C16orf74: variants seen among roughly 807,000 people sequenced by gnomAD.
C16orf74 encodes the protein uncharacterized protein C16orf74.
C16orf74 carries 10 observed loss-of-function variants against 6.5 expected under a neutral mutation model. The observed-to-expected ratio is 1.54, with a 90% CI of 0.95 to 2.61. The LOEUF is 2.61. C16orf74 is among the 30% of genes most tolerant of loss of function. C16orf74 has a pLI of 0.00. For missense variants in C16orf74, 141 were observed against 105.9 expected, an observed-to-expected ratio of 1.33 and a Z score of -1.45; for synonymous variants, 60 against 42.5, an observed-to-expected ratio of 1.41 and a Z score of -1.60.
intron 2 of C16orf74, among the ~76,000 whole-genome samples, chr16:85,734,736 A>G (rs2054225737): frequency 6.6e-6 from 1 of 152,194 alleles, no homozygotes. Flanking sequence ...GCTAACACCC[A>G]CAACACCCTT....
intron 2 of C16orf74, among the ~76,000 whole-genome samples, chr16:85,718,331 C>A (rs970438443): frequency 3.3e-5 from 5 of 152,166 alleles, no homozygotes; most frequent in African/African-American, 1.2e-4. Context: ...CTCCCAAAGT[C>A]CTGGGGTTAC....
chr16:85,723,259 CAAAAAAAAAAAAA>C (rs5818553), intron 2 of C16orf74, among the ~76,000 whole-genome samples: 1 of 60,108 alleles, frequency 1.7e-5, no homozygotes, highest in African/African-American at 6.3e-5. Flanking sequence ...GACTCCATCT[CAAAAAAAAAAAAA>C]AAAAAAAAGG....
At chr16:85,745,465 A>C (rs1469887768) in intron 1 of C16orf74, among the ~76,000 whole-genome samples, 1 of 152,244 alleles carries the variant, frequency 6.6e-6, no homozygotes, top group Non-Finnish European at 1.5e-5. Context: ...TTTTCAGTGC[A>C]AACAGAAAAG....
intron 1 of C16orf74, among the ~76,000 whole-genome samples, chr16:85,747,463 G>C (rs751881843): frequency 3.6e-4 from 54 of 151,894 alleles, no homozygotes; most frequent in South Asian, 1.0e-3. Flanking sequence ...ATAAATAAAA[G>C]GGGTCTGCTA....
chr16:85,716,850 C>G (rs1373600349), intron 2 of C16orf74, among the ~76,000 whole-genome samples: 1 of 152,166 alleles, frequency 6.6e-6, no homozygotes, highest in Non-Finnish European at 1.5e-5. Flanking sequence ...GGATTAAAAA[C>G]CAAATGCCAG....
At chr16:85,743,051 C>T (rs2054327771) in intron 1 of C16orf74, among the ~76,000 whole-genome samples, 1 of 152,188 alleles carries the variant, frequency 6.6e-6, no homozygotes, top group Non-Finnish European at 1.5e-5. Context: ...GCCCCAATTC[C>T]ACAGTGTGGC....
intron 1 of C16orf74, among the ~76,000 whole-genome samples, chr16:85,739,099 G>C (rs769716603): frequency 8.5e-5 from 13 of 152,094 alleles, no homozygotes; most frequent in Non-Finnish European, 1.3e-4. Context: ...CTCATCAATT[G>C]TGCCCATGCT....
Position 85,707,954 on chromosome 16 carries a change from C to A in C16orf74, c.*54G>T. 6.6e-7 allele frequency: 1 copy of A among 1,505,644 alleles called. No individual in the cohort carries two copies. Among genetic ancestry groups the A allele is most frequent in the Non-Finnish European group, 9.0e-7 (1 of 1,108,206 alleles). 93.3% of individuals were successfully genotyped at this position (1,505,644 alleles called of 1,614,324 possible). On this transcript the variant is annotated 3_prime_UTR_variant, in exon 4 of 4. Coordinates refer to ENST00000284245, the MANE Select transcript of C16orf74 (RefSeq NM_206967.3). The stretch of plus-strand genomic sequence containing the variant: ...CTCCAGGCAGCCACGCCCCCGGACA[C>A]CTGAAGCCGGGCCGCTGGAGCAGGA...
At chr16:85,749,638 G>A (rs577950870) in intron 1 of C16orf74, among the ~76,000 whole-genome samples, 4 of 152,336 alleles carry the variant, frequency 2.6e-5, no homozygotes, top group Admixed American at 2.6e-4. Context: ...AGTTGGTCAG[G>A]GGATTAAAAC....
chr16:85,718,163 T>G (rs765885753), intron 2 of C16orf74, among the ~76,000 whole-genome samples: 3 of 152,202 alleles, frequency 2.0e-5, no homozygotes, highest in Non-Finnish European at 4.4e-5. Context: ...TGGACTTCCC[T>G]GGCTCAAGCG....
intron 2 of C16orf74, among the ~76,000 whole-genome samples, chr16:85,721,033 G>C (rs2054077643): frequency 6.6e-6 from 1 of 152,118 alleles, no homozygotes; most frequent in Non-Finnish European, 1.5e-5. Context: ...AGAGGTTGCA[G>C]TGAACCAAGA....
At chr16:85,722,752 C>T (rs1366562087) in intron 2 of C16orf74, among the ~76,000 whole-genome samples, 1 of 152,246 alleles carries the variant, frequency 6.6e-6, no homozygotes, top group African/African-American at 2.4e-5. Flanking sequence ...AAGCCCCGGC[C>T]CAGGGCCCCA....
At chr16:85,747,201 G>T (rs774028829) in intron 1 of C16orf74, among the ~76,000 whole-genome samples, 2 of 152,162 alleles carry the variant, frequency 1.3e-5, no homozygotes, top group African/African-American at 2.4e-5. Flanking sequence ...GCACCTTTCT[G>T]TACATTATAC....
chr16:85,740,476 G>A (rs142732962), intron 1 of C16orf74, among the ~76,000 whole-genome samples: 2,545 of 151,988 alleles, frequency 0.017, 70 homozygotes, highest in African/African-American at 0.059. Flanking sequence ...GCTGAGGTGG[G>A]AGGATCACGA....
At chr16:85,710,037 G>T in intron 3 of C16orf74, 127 bp downstream of exon 3, 1 of 769,050 alleles carries the variant, frequency 1.3e-6, no homozygotes, top group Non-Finnish European at 1.9e-6. Context: ...GACCATAAAT[G>T]TTTAACGAAC....
intron 1 of C16orf74, among the ~76,000 whole-genome samples, chr16:85,737,964 T>A (rs2054262640): frequency 6.8e-6 from 1 of 148,054 alleles, no homozygotes; most frequent in South Asian, 2.1e-4. Flanking sequence ...TTTTGTGATT[T>A]TTTTTTTTTT....
chr16:85,720,720 G>A (rs1341021497), intron 2 of C16orf74, among the ~76,000 whole-genome samples: 6 of 148,460 alleles, frequency 4.0e-5, no homozygotes, highest in African/African-American at 1.5e-4. Flanking sequence ...AGGTTACAGT[G>A]AGCTGCAATC....
chr16:85,725,741 C>G (rs2054126288), intron 2 of C16orf74, among the ~76,000 whole-genome samples: 1 of 152,132 alleles, frequency 6.6e-6, no homozygotes, highest in Non-Finnish European at 1.5e-5. Flanking sequence ...GTAGCTGGCA[C>G]TACAGGCGCA....
At position 85,710,205 on chromosome 16, in the gene C16orf74, G is replaced by T; in HGVS notation, c.131C>A (p.Thr44Asn). ...CCTCGGCAGCATCATGCCCGTGGGG[G>T]TGGGGGGCGTGATGATGATGTCGGG... Reference protein sequence around the residue: ...DVPDIIITPPTPTGMMLPRDL... With the variant: ...DVPDIIITPPNPTGMMLPRDL... Residue 44 changes from threonine (T) to asparagine (N), a missense_variant, in exon 3 of 4, where the codon ACC (threonine) becomes AAC (asparagine). Thr to Asn is a moderately conservative substitution (Grantham distance 65, BLOSUM62 0). Transcript: ENST00000284245. The T allele has an allele frequency of 6.7e-7, 1 of 1,496,774 alleles. No homozygotes were observed. The highest frequency in any genetic ancestry group is 1.4e-5 in the South Asian group (1 of 71,540). The allele number at this position is 1,496,774 out of a possible 1,614,324, so 92.7% of individuals were successfully genotyped here. A position where few individuals can be genotyped will look rare whatever the true frequency, so the allele number is the denominator to read the frequency against.
Sources: gnomAD v4.1 joint callset for allele counts (sites outside exome capture counted in the v4.1 genomes callset) on GRCh38, gnomAD v4.1.1 for gene constraint, MANE v1.5 for transcripts, NCBI Gene and HGNC (gene_info 2026-07-23, HGNC 2026-07-21) for gene names.